KSR2: variants seen among roughly 807,000 people sequenced by gnomAD.
KSR2 encodes the protein kinase suppressor of ras 2.
A neutral mutation model predicts 107.8 loss-of-function variants in KSR2; 25 were observed. The observed-to-expected ratio is 0.23, with a 90% confidence interval of 0.17 to 0.32. KSR2 has a LOEUF of 0.32. Among genes scored for constraint, KSR2 ranks in the 10% least tolerant of loss-of-function variants. The pLI is 1.00. For synonymous variants in KSR2, 480 were observed against 507.0 expected, an observed-to-expected ratio of 0.95 and a Z score of 0.71; for missense variants, 887 against 1,268.9, an observed-to-expected ratio of 0.70 and a Z score of 4.57.
intron 1 of KSR2, among the ~76,000 whole-genome samples, chr12:117,926,739 G>A (rs865823773): frequency 6.6e-6 from 1 of 152,222 alleles, no homozygotes; most frequent in Non-Finnish European, 1.5e-5. Context: ...GCAATGTGGA[G>A]GCACAATTAA....
chr12:117,602,208 T>TTTTTG (rs1412380951), intron 5 of KSR2, among the ~76,000 whole-genome samples: 1 of 152,232 alleles, frequency 6.6e-6, no homozygotes, highest in Non-Finnish European at 1.5e-5. Context: ...GGCCAGGTTT[T>TTTTTG]TTTTGTTTTG....
intron 13 of KSR2, 59 bp from the exon 14 acceptor site, chr12:117,525,278 A>G (rs1208894201): frequency 6.6e-7 from 1 of 1,506,136 alleles, no homozygotes; most frequent in Non-Finnish European, 8.9e-7. Flanking sequence ...AGCCTCCCTC[A>G]TGGTCCTGCT....
chr12:117,749,622 T>C (rs1266400141), intron 4 of KSR2, among the ~76,000 whole-genome samples: 2 of 152,182 alleles, frequency 1.3e-5, no homozygotes, highest in African/African-American at 4.8e-5. Context: ...TAATTTTCCA[T>C]TGTGGAACTT....
intron 10 of KSR2, 66 bp downstream of exon 10, chr12:117,539,653 C>T (rs1592971572): frequency 2.1e-6 from 3 of 1,447,930 alleles, no homozygotes; most frequent in East Asian, 4.9e-5. Context: ...GGCATGAACC[C>T]ACCCCCTCCC....
intron 4 of KSR2, among the ~76,000 whole-genome samples, chr12:117,694,845 C>CTACTTCTTT (rs1555228656): frequency 1.0e-5 from 1 of 99,100 alleles, no homozygotes; most frequent in African/African-American, 3.8e-5. Context: ...TTGTATGATT[C>CTACTTCTTT]TTTTTTTTTT....
At chr12:117,870,177 C>A (rs2723277) in intron 1 of KSR2, among the ~76,000 whole-genome samples, 1,714 of 152,320 alleles carry the variant, frequency 0.011, 18 homozygotes, top group Middle Eastern at 0.037. Flanking sequence ...TCTTAGGAAG[C>A]CTTCTAAGTG....
At chr12:117,853,395 T>G (rs990760834) in intron 3 of KSR2, among the ~76,000 whole-genome samples, 7 of 151,944 alleles carry the variant, frequency 4.6e-5, no homozygotes, top group Non-Finnish European at 8.8e-5. Flanking sequence ...CAGGCTGGAG[T>G]TCAGTGGTAC....
At chr12:117,591,719 A>AC (rs1880331633) in intron 5 of KSR2, among the ~76,000 whole-genome samples, 1 of 151,956 alleles carries the variant, frequency 6.6e-6, no homozygotes, top group Non-Finnish European at 1.5e-5. Flanking sequence ...CTTAAAAAAA[A>AC]AAAAAATGAT....
At chr12:117,875,375 A>AAGCTGGG (rs1893807330) in intron 1 of KSR2, among the ~76,000 whole-genome samples, 1 of 150,112 alleles carries the variant, frequency 6.7e-6, no homozygotes, top group Non-Finnish European at 1.5e-5. Context: ...GAGTCCGTGA[A>AAGCTGGG]AGCTGGGAGG....
At position 117,842,466 on chromosome 12, in the gene KSR2, G is replaced by A. The variant is rs1031232363; in HGVS notation, c.472+12962C>T. 6.6e-6 allele frequency among the ~76,000 whole-genome samples: 1 copy of A among 152,126 alleles called. No homozygotes were observed. The highest frequency in any genetic ancestry group is 2.4e-5 in the African/African-American group (1 of 41,426). On this transcript the variant is annotated intron_variant, in intron 3 of 19. Coordinates refer to ENST00000339824, the MANE Select transcript of KSR2 (RefSeq NM_173598.6). This position sits in a 1 kb window ranked among gnomAD's most constrained non-coding sequence, Gnocchi z 4.2. ...AACATCAGCAGATAGGGACCAGATC[G>A]GGAGCCCAGGGACAGGACTGGGGGT...
At chr12:117,846,209 C>G (rs943651374) in intron 3 of KSR2, among the ~76,000 whole-genome samples, 6 of 151,940 alleles carry the variant, frequency 3.9e-5, no homozygotes, top group Non-Finnish European at 7.4e-5. Context: ...CTGACCTGCT[C>G]TGATCAGCCC....
At chr12:117,956,060 C>T (rs1473576247) in intron 1 of KSR2, among the ~76,000 whole-genome samples, 6 of 151,024 alleles carry the variant, frequency 4.0e-5, no homozygotes, top group Admixed American at 1.3e-4. Flanking sequence ...ACCATCCTGG[C>T]TAACACGGTG....
intron 14 of KSR2, among the ~76,000 whole-genome samples, chr12:117,489,258 A>C (rs1177531436): frequency 6.6e-6 from 1 of 152,112 alleles, no homozygotes; most frequent in Middle Eastern, 3.2e-3. Flanking sequence ...ATGGATACAT[A>C]CTTAGTGGAA....
intron 7 of KSR2, among the ~76,000 whole-genome samples, chr12:117,569,858 G>A (rs1878764352): frequency 6.6e-6 from 1 of 152,130 alleles, no homozygotes; most frequent in Non-Finnish European, 1.5e-5. Flanking sequence ...GACTGTTTGA[G>A]TAATGAGTCC....
intron 7 of KSR2, among the ~76,000 whole-genome samples, chr12:117,565,858 T>C (rs1878452962): frequency 6.6e-6 from 1 of 152,246 alleles, no homozygotes; most frequent in African/African-American, 2.4e-5. Flanking sequence ...TCTATGTGCA[T>C]GGCTTTAAAA....
chr12:117,792,415 T>C (rs1242301033), intron 3 of KSR2, among the ~76,000 whole-genome samples: 5 of 152,090 alleles, frequency 3.3e-5, no homozygotes. Flanking sequence ...TTACGCTACA[T>C]GCAACACCTG....
rs1318757090 is a variant in KSR2, at chr12:117,586,623, G to GAA, written c.1172-4266_1172-4265dup. On this transcript the variant is annotated intron_variant, in intron 5 of 19. Coordinates refer to ENST00000339824, the MANE Select transcript of KSR2 (RefSeq NM_173598.6). ...AAGAAGAAAGAAAGAAAAGAAAAAA[G>GAA]AAAGAAAAAGAAAGAAAGAAAGAAA... Among the ~76,000 whole-genome samples, 639 of 73,984 alleles carry GAA rather than the reference G, an allele frequency of 8.6e-3. 5 individuals carry two copies. Among genetic ancestry groups the GAA allele is most frequent in the African/African-American group, 0.033 (566 of 17,164 alleles). 48.5% of individuals were successfully genotyped at this position (73,984 alleles called of 152,430 possible). A position where few individuals can be genotyped will look rare whatever the true frequency, so the allele number is the denominator to read the frequency against.
intron 4 of KSR2, among the ~76,000 whole-genome samples, chr12:117,677,465 A>C (rs1885183043): frequency 6.6e-6 from 1 of 152,126 alleles, no homozygotes; most frequent in African/African-American, 2.4e-5. Context: ...CCTCAGGAGA[A>C]ACCAACCCTG....
intron 4 of KSR2, among the ~76,000 whole-genome samples, 182 bp from the exon 5 acceptor site, chr12:117,667,840 C>T (rs1330495920): frequency 1.3e-5 from 2 of 152,144 alleles, no homozygotes; most frequent in East Asian, 3.9e-4. Flanking sequence ...ACCCTCTCAC[C>T]CCTAGGTCCC....
Sources: allele counts gnomAD v4.1 joint callset (sites outside exome capture counted in the v4.1 genomes callset), GRCh38; gene constraint gnomAD v4.1.1; non-coding constraint Gnocchi (gnomAD v3.1); transcripts MANE v1.5; gene names NCBI Gene and HGNC (gene_info 2026-07-23, HGNC 2026-07-21).